Variants in ATRNL1 observed in about 807,000 individuals in gnomAD.
ATRNL1 encodes the protein attractin-like protein 1.
A neutral mutation model predicts 182.7 loss-of-function variants in ATRNL1; 95 were observed. The ratio of observed to expected loss-of-function variants is 0.52; its 90% CI spans 0.44 to 0.62. The LOEUF (loss-of-function observed/expected upper bound fraction) is 0.62, where lower values mean the gene tolerates loss of function less well. Ranked by LOEUF, ATRNL1 falls within the 20% of genes least tolerant of loss-of-function variation. The pLI is 0.00. For missense variants in ATRNL1, 1,471 were observed against 1,679.5 expected (o/e 0.88, Z 2.17); for synonymous variants, 576 against 568.3 (o/e 1.01, Z -0.19).
Position 115,520,762 on chromosome 10 carries a change from G to T in ATRNL1, c.3716+1438G>T, listed in dbSNP as rs146985678. Among the ~76,000 whole-genome samples the T allele has an allele frequency of 6.9e-3, 1,057 of 152,162 alleles. 8 individuals carry two copies. Among genetic ancestry groups the T allele is most frequent in the African/African-American group, 0.023 (956 of 41,500 alleles). On this transcript the variant is annotated intron_variant, in intron 25 of 28. Coordinates refer to ENST00000355044, the MANE Select transcript of ATRNL1 (RefSeq NM_207303.4). Reference sequence around the variant, plus strand: ...TCTCATTTCCATTTACAGCCCTTCAGATTTGTAAAGTATTTTCTACGGTTT... The same window carrying T: ...TCTCATTTCCATTTACAGCCCTTCATATTTGTAAAGTATTTTCTACGGTTT...
intron 26 of ATRNL1, among the ~76,000 whole-genome samples, chr10:115,584,969 A>G (rs1855417314): frequency 6.8e-6 from 1 of 148,022 alleles, no homozygotes; most frequent in Non-Finnish European, 1.5e-5. Flanking sequence ...CGTTGGTTTC[A>G]AAAAACATCT....
At chr10:115,440,197 A>G (rs1450264562) in intron 21 of ATRNL1, among the ~76,000 whole-genome samples, 1 of 151,874 alleles carries the variant, frequency 6.6e-6, no homozygotes, top group South Asian at 2.1e-4. Context: ...TAGCACTACA[A>G]GATATTTCGG....
intron 27 of ATRNL1, among the ~76,000 whole-genome samples, chr10:115,779,351 T>C (rs2134185042): frequency 6.6e-6 from 1 of 152,324 alleles, no homozygotes; most frequent in Admixed American, 6.5e-5. Context: ...AGGACAGTGC[T>C]CTAGGTCAGC....
At chr10:115,565,008 A>C (rs949901413) in intron 26 of ATRNL1, among the ~76,000 whole-genome samples, 3 of 152,028 alleles carry the variant, frequency 2.0e-5, no homozygotes, top group Non-Finnish European at 4.4e-5. Context: ...TGAACACTTT[A>C]TATCTTTATT....
At chr10:115,703,669 CAT>C (rs1181194663) in intron 26 of ATRNL1, among the ~76,000 whole-genome samples, 4 of 151,302 alleles carry the variant, frequency 2.6e-5, no homozygotes, top group African/African-American at 4.8e-5. Flanking sequence ...AATATACAAA[CAT>C]ATATGTAGAT....
At chr10:115,402,196 G>T (rs1554957177) in intron 20 of ATRNL1, among the ~76,000 whole-genome samples, 1 of 152,092 alleles carries the variant, frequency 6.6e-6, no homozygotes, top group Non-Finnish European at 1.5e-5. Flanking sequence ...AAACTACTTT[G>T]TGTTTATATG....
chr10:115,786,907 A>G (rs895584983), intron 27 of ATRNL1, among the ~76,000 whole-genome samples: 4 of 152,180 alleles, frequency 2.6e-5, no homozygotes, highest in East Asian at 3.8e-4. Flanking sequence ...AAATCTAAAC[A>G]TTATGTTTTT....
At chr10:115,497,855 G>A (rs1294400588) in intron 24 of ATRNL1, among the ~76,000 whole-genome samples, 3 of 151,734 alleles carry the variant, frequency 2.0e-5, no homozygotes, top group Non-Finnish European at 2.9e-5. Context: ...ACGGGGTTTC[G>A]CCATGTTGTC....
At chr10:115,196,698 T>C (rs1554891159) in intron 8 of ATRNL1, among the ~76,000 whole-genome samples, 1 of 152,160 alleles carries the variant, frequency 6.6e-6, no homozygotes, top group Non-Finnish European at 1.5e-5. Context: ...TTAAAAAATT[T>C]AAATTTATAA....
chr10:115,598,796 T>G (rs1225637668), intron 26 of ATRNL1, among the ~76,000 whole-genome samples: 1 of 152,154 alleles, frequency 6.6e-6, no homozygotes, highest in Non-Finnish European at 1.5e-5. Context: ...TCATACCTGA[T>G]TCCCATATTT....
intron 26 of ATRNL1, among the ~76,000 whole-genome samples, chr10:115,642,823 A>C (rs534842298): frequency 6.6e-6 from 1 of 152,320 alleles, no homozygotes; most frequent in East Asian, 1.9e-4. Context: ...AGCCTGAGCA[A>C]TTTTGAGAAA....
At chr10:115,894,540 A>C (rs1952159133) in intron 28 of ATRNL1, among the ~76,000 whole-genome samples, 1 of 152,210 alleles carries the variant, frequency 6.6e-6, no homozygotes, top group Non-Finnish European at 1.5e-5. Context: ...AACCACCTAA[A>C]AATCCCAAGG....
chr10:115,499,423 C>T (rs903846360), intron 24 of ATRNL1, among the ~76,000 whole-genome samples: 1 of 151,916 alleles, frequency 6.6e-6, no homozygotes, highest in African/African-American at 2.4e-5. Context: ...GTGTGAACAC[C>T]GAAAAGATGA....
intron 24 of ATRNL1, among the ~76,000 whole-genome samples, chr10:115,515,497 T>C (rs1850593210): frequency 6.6e-6 from 1 of 151,828 alleles, no homozygotes; most frequent in Admixed American, 6.6e-5. Context: ...ATTATAGTTT[T>C]AATTTTATTT....
intron 5 of ATRNL1, among the ~76,000 whole-genome samples, chr10:115,130,581 A>C (rs1327002520): frequency 6.6e-6 from 1 of 152,082 alleles, no homozygotes; most frequent in Non-Finnish European, 1.5e-5. Flanking sequence ...TATTAAATCG[A>C]ATTTGGTTAC....
chr10:115,118,033 A>G (rs1554870500), intron 1 of ATRNL1, among the ~76,000 whole-genome samples: 1 of 152,014 alleles, frequency 6.6e-6, no homozygotes, highest in East Asian at 1.9e-4. Context: ...CCTTTAGCCC[A>G]TTTTTAAAAT....
At chr10:115,922,215 A>G (rs956668610) in intron 28 of ATRNL1, among the ~76,000 whole-genome samples, 7 of 152,276 alleles carry the variant, frequency 4.6e-5, no homozygotes, top group African/African-American at 7.2e-5. Context: ...AAATATTTTT[A>G]TTTTAATACT....
chr10:115,711,258 A>G (rs549201490), intron 26 of ATRNL1, among the ~76,000 whole-genome samples: 2 of 152,288 alleles, frequency 1.3e-5, no homozygotes, highest in East Asian at 1.9e-4. Flanking sequence ...TGCCATGGAT[A>G]ATACATTAAG....
intron 27 of ATRNL1, among the ~76,000 whole-genome samples, chr10:115,825,128 A>G (rs1307177880): frequency 6.6e-6 from 1 of 152,176 alleles, no homozygotes; most frequent in African/African-American, 2.4e-5. Flanking sequence ...TTCTCAACAC[A>G]GGAACTAACA....
Sources: allele counts gnomAD v4.1 joint callset (sites outside exome capture counted in the v4.1 genomes callset), GRCh38; gene constraint gnomAD v4.1.1; transcripts MANE v1.5; gene names NCBI Gene and HGNC (gene_info 2026-07-23, HGNC 2026-07-21).